The following KCNQ1 variants were observed in gnomAD, a reference collection of about 807,000 sequenced individuals.
KCNQ1 encodes the protein potassium voltage-gated channel subfamily KQT member 1.
A neutral mutation model predicts 72.4 loss-of-function variants in KCNQ1; 49 were observed. The observed-to-expected ratio is 0.68, with a 90% CI of 0.54 to 0.86. KCNQ1 has a LOEUF of 0.86. Among genes scored for constraint, KCNQ1 ranks in the 40% least tolerant of loss-of-function variants. KCNQ1 has a pLI of 0.00. For missense variants in KCNQ1, 790 were observed against 945.1 expected (o/e 0.84, Z 2.15); for synonymous variants, 450 against 412.6 (o/e 1.09, Z -1.10).
rs537273685 is a variant in KCNQ1, at chr11:2,730,709, G to A, written c.1515-38135G>A. ...ATCCAGGCCCCATTACCCTGGGGGA[G>A]GCGGATTATGGTATGAACTGCTGCA... On this transcript the variant is annotated intron_variant, in intron 11 of 15. Transcript: ENST00000155840. Among the ~76,000 whole-genome samples, 10 of 152,332 alleles carry A rather than the reference G, an allele frequency of 6.6e-5. No homozygotes were observed. The South Asian group carries it at 1.9e-3, about 28-fold the overall frequency.
Position 2,776,984 on chromosome 11 carries a change from A to C in KCNQ1, c.1686-2A>C. ...AACTGGTGTCTGTGTCCTTCTCTCCAGGCTGGACCAGTCCATTGGGAAGCC... is the reference window on the plus strand; with the variant it reads ...AACTGGTGTCTGTGTCCTTCTCTCCCGGCTGGACCAGTCCATTGGGAAGCC... On this transcript the variant is annotated splice_acceptor_variant, in intron 13 of 15. Coordinates refer to ENST00000155840, the MANE Select transcript of KCNQ1 (RefSeq NM_000218.3). LOFTEE classifies it high-confidence loss of function. 1.2e-6 allele frequency: 2 copies of C among 1,614,038 alleles called. No individual in the cohort carries two copies. Among genetic ancestry groups the C allele is most frequent in the Non-Finnish European group, 1.7e-6 (2 of 1,179,946 alleles).
Position 2,647,757 on chromosome 11 carries a change from C to T in KCNQ1, c.1394-14204C>T, listed in dbSNP as rs1849688302. ...ATGTCCAGGAATTTATCTCTTTCCT[C>T]TAGGTTTTCTAATTGTTGACATATA... On this transcript the variant is annotated intron_variant, in intron 10 of 15. Coordinates refer to ENST00000155840, the MANE Select transcript of KCNQ1 (RefSeq NM_000218.3). This position sits in a 1 kb window ranked among gnomAD's most constrained non-coding sequence, Gnocchi z 4.0. 2.5e-6 allele frequency: 1 copy of T among 398,290 alleles called. No individual in the cohort carries two copies. The highest frequency in any genetic ancestry group is 1.3e-4 in the South Asian group (1 of 7,852). 24.7% of individuals were successfully genotyped at this position (398,290 alleles called of 1,614,324 possible). A position where few individuals can be genotyped will look rare whatever the true frequency, so the allele number is the denominator to read the frequency against.
chr11:2,787,047 C>G lies in KCNQ1; in HGVS notation c.1794+9010C>G, dbSNP rs1332188849. ...GAAGTTGGGGTCCTCAGGGAGGAAT[C>G]ATGTTTACCCCTTCCATTGCCACAT... On this transcript the variant is annotated intron_variant, in intron 15 of 15. Coordinates refer to ENST00000155840, the MANE Select transcript of KCNQ1 (RefSeq NM_000218.3). This position sits in a 1 kb window ranked among gnomAD's most constrained non-coding sequence, Gnocchi z 6.3. Among the ~76,000 whole-genome samples, 1 of 148,662 alleles carries G rather than the reference C, an allele frequency of 6.7e-6. No homozygotes were observed. The highest frequency in any genetic ancestry group is 1.5e-5 in the Non-Finnish European group (1 of 67,494).
chr11:2,747,317 C>T (rs965030317), intron 11 of KCNQ1, among the ~76,000 whole-genome samples: 4 of 152,192 alleles, frequency 2.6e-5, no homozygotes, highest in Non-Finnish European at 5.9e-5. Flanking sequence ...TATTTTGCTT[C>T]GTTGCCCAAA....
At chr11:2,521,993 C>T (rs181641436) in intron 1 of KCNQ1, among the ~76,000 whole-genome samples, 45 of 152,382 alleles carry the variant, frequency 3.0e-4, no homozygotes, top group African/African-American at 1.0e-3. Context: ...CCTCCCACAG[C>T]GTCTCGGGCT....
rs1337182584 is a variant in KCNQ1, at chr11:2,704,349, C to G, written c.1514+42268C>G. On this transcript the variant is annotated intron_variant, in intron 11 of 15. Transcript: ENST00000155840. This position sits in a 1 kb window ranked among gnomAD's most constrained non-coding sequence, Gnocchi z 4.3. Reference sequence around the variant, plus strand: ...GGGCCTGTTGTCAACTCTGTTCCCACTGAGCCCATGAGACGGCTATTCCTT... The same window carrying G: ...GGGCCTGTTGTCAACTCTGTTCCCAGTGAGCCCATGAGACGGCTATTCCTT... 6.6e-6 allele frequency among the ~76,000 whole-genome samples: 1 copy of G among 152,246 alleles called. No individual in the cohort carries two copies. The highest frequency in any genetic ancestry group is 2.4e-5 in the African/African-American group (1 of 41,470).
At chr11:2,835,226 C>T (rs1373818428) in intron 15 of KCNQ1, among the ~76,000 whole-genome samples, 1 of 152,134 alleles carries the variant, frequency 6.6e-6, no homozygotes, top group African/African-American at 2.4e-5. Context: ...GGAGGGTGGG[C>T]AGGGCTCCCT....
chr11:2,837,744 G>T (rs1222067358), intron 15 of KCNQ1, among the ~76,000 whole-genome samples: 2 of 152,224 alleles, frequency 1.3e-5, no homozygotes, highest in South Asian at 4.1e-4. Context: ...GAGAGGGGTG[G>T]ATGCTCCAGG....
chr11:2,455,393 G>A (rs2133573308), intron 1 of KCNQ1, among the ~76,000 whole-genome samples: 1 of 152,266 alleles, frequency 6.6e-6, no homozygotes, highest in South Asian at 2.1e-4. Context: ...CACCGTGCCT[G>A]GCCAATCAGC....
In KCNQ1 at chr11:2,695,347, C is replaced by G. The variant is rs1325699648; in HGVS notation, c.1514+33266C>G. On this transcript the variant is annotated intron_variant, in intron 11 of 15. Transcript: ENST00000155840. The surrounding 1 kb of genome is among the most constrained non-coding windows in gnomAD (Gnocchi z 5.2). Reference sequence around the variant, plus strand: ...ATATCATTGTGTGTGTGTGTGTGCACTCACGAGCACTCCCTAGTACTGCGT... The same window carrying G: ...ATATCATTGTGTGTGTGTGTGTGCAGTCACGAGCACTCCCTAGTACTGCGT... 2.5e-6 allele frequency: 1 copy of G among 397,136 alleles called. No individual in the cohort carries two copies. Among genetic ancestry groups the G allele is most frequent in the Non-Finnish European group, 4.4e-6 (1 of 225,586 alleles). The allele number at this position is 397,136 out of a possible 1,614,324, so 24.6% of individuals were successfully genotyped here. A position where few individuals can be genotyped will look rare whatever the true frequency, so the allele number is the denominator to read the frequency against.
At position 2,475,149 on chromosome 11, in the gene KCNQ1, C is replaced by T. The variant is rs769564212; in HGVS notation, c.386+29665C>T. ...GAAATTAGCAGTCACCCCTTTCCCC[C>T]ATGCCCCCAGCTCCTGACAACCACA... On this transcript the variant is annotated intron_variant, in intron 1 of 15. Coordinates refer to ENST00000155840, the MANE Select transcript of KCNQ1 (RefSeq NM_000218.3). The surrounding 1 kb of genome is among the most constrained non-coding windows in gnomAD (Gnocchi z 5.8). Among the ~76,000 whole-genome samples the T allele has an allele frequency of 1.3e-5, 2 of 152,190 alleles. No homozygotes were observed. Among genetic ancestry groups the T allele is most frequent in the Admixed American group, 6.5e-5 (1 of 15,278 alleles).
At position 2,564,002 on chromosome 11, in the gene KCNQ1, G is replaced by T. The variant is rs1317331385; in HGVS notation, c.478-6626G>T. On this transcript the variant is annotated intron_variant, in intron 2 of 15. Coordinates refer to ENST00000155840, the MANE Select transcript of KCNQ1 (RefSeq NM_000218.3). The surrounding 1 kb of genome is among the most constrained non-coding windows in gnomAD (Gnocchi z 4.5). Reference sequence around the variant, plus strand: ...CGCTGGGTGGCCCTGAAGGCCCACAGAATCCTTTTGGAGACCTGACCCGCG... The same window carrying T: ...CGCTGGGTGGCCCTGAAGGCCCACATAATCCTTTTGGAGACCTGACCCGCG... Among the ~76,000 whole-genome samples the T allele has an allele frequency of 6.6e-6, 1 of 152,208 alleles. No individual in the cohort carries two copies. Among genetic ancestry groups the T allele is most frequent in the Non-Finnish European group, 1.5e-5 (1 of 68,042 alleles).
intron 10 of KCNQ1, chr11:2,628,106 C>G (rs1190514248): frequency 5.0e-6 from 2 of 398,466 alleles, no homozygotes; most frequent in Non-Finnish European, 4.4e-6. Flanking sequence ...CATGGGAGTG[C>G]AGATACCTCT....
chr11:2,448,747 C>A (rs12278906), intron 1 of KCNQ1, among the ~76,000 whole-genome samples: 1 of 152,232 alleles, frequency 6.6e-6, no homozygotes, highest in Admixed American at 6.5e-5. Context: ...GGGGCTTTTC[C>A]CAGTGCTACC....
At chr11:2,820,939 C>T (rs780530720) in intron 15 of KCNQ1, among the ~76,000 whole-genome samples, 9 of 152,262 alleles carry the variant, frequency 5.9e-5, no homozygotes, top group Middle Eastern at 3.2e-3. Context: ...CATTGCTGCT[C>T]ACCCTCCCCT....
chr11:2,831,255 C>T (rs550025832), intron 15 of KCNQ1, among the ~76,000 whole-genome samples: 19 of 152,308 alleles, frequency 1.2e-4, no homozygotes, highest in African/African-American at 4.3e-4. Flanking sequence ...CCTCAGCAGA[C>T]GTGATGGGTG....
At chr11:2,722,971 G>C (rs999914643) in intron 11 of KCNQ1, among the ~76,000 whole-genome samples, 1 of 152,222 alleles carries the variant, frequency 6.6e-6, no homozygotes, top group Admixed American at 6.5e-5. Flanking sequence ...CACTGCAGCT[G>C]CCACCTGGGG....
chr11:2,617,761 G>C lies in KCNQ1; in HGVS notation c.1393+28907G>C, dbSNP rs1332447287. The C allele has an allele frequency of 1.3e-5, 5 of 398,438 alleles. No homozygotes were observed. The highest frequency in any genetic ancestry group is 2.2e-5 in the Non-Finnish European group (5 of 225,998). The allele number at this position is 398,438 out of a possible 1,614,324, so 24.7% of individuals were successfully genotyped here. On this transcript the variant is annotated intron_variant, in intron 10 of 15. Coordinates refer to ENST00000155840, the MANE Select transcript of KCNQ1 (RefSeq NM_000218.3). This position sits in a 1 kb window ranked among gnomAD's most constrained non-coding sequence, Gnocchi z 4.6. ...TGAGGTGATATCGCATAGTAATTTT[G>C]ATTTGCATTTCCCTGACGATTAGTG...
At chr11:2,835,411 ACACACACACAC>A (rs1042322062) in intron 15 of KCNQ1, among the ~76,000 whole-genome samples, 1 of 150,912 alleles carries the variant, frequency 6.6e-6, no homozygotes, top group African/African-American at 2.5e-5. Flanking sequence ...ACACACACAC[ACACACACACAC>A]ACACACGCAC....
Sources: gnomAD v4.1 joint callset for allele counts (sites outside exome capture counted in the v4.1 genomes callset) on GRCh38, gnomAD v4.1.1 for gene constraint, Gnocchi (gnomAD v3.1) non-coding constraint, MANE v1.5 for transcripts, NCBI Gene and HGNC (gene_info 2026-07-23, HGNC 2026-07-21) for gene names.